The following C14orf39 variants were observed in gnomAD, a reference collection of about 807,000 sequenced individuals.
C14orf39 encodes chromosome 14 open reading frame 39, also known as protein SIX6OS1.
A neutral mutation model predicts 85.6 loss-of-function variants in C14orf39; 66 were observed. The observed-to-expected ratio is 0.77, with a 90% confidence interval of 0.63 to 0.95. The LOEUF is 0.95. C14orf39 is among the 40% of genes least tolerant of loss of function. The probability of loss-of-function intolerance (pLI) is 0.00; values close to 1 mark genes in which losing one functional copy is unlikely to be tolerated. For synonymous variants in C14orf39, 242 were observed against 214.0 expected (o/e 1.13, Z -1.14); for missense variants, 735 against 663.9 (o/e 1.11, Z -1.18).
chr14:60,436,629 G>T lies in C14orf39; in HGVS notation c.*216C>A, dbSNP rs75496159. On this transcript the variant is annotated 3_prime_UTR_variant, in exon 18 of 18. Transcript: ENST00000321731. ...TAAAAGTTCTACCTGACCACGGCTC[G>T]CAAAATCAAAACCAAAATAAATAAT... The T allele has an allele frequency of 1.2e-5, 4 of 336,688 alleles. No individual in the cohort carries two copies. 20.9% of individuals were successfully genotyped at this position (336,688 alleles called of 1,614,324 possible).
At chr14:60,475,707 C>G (rs1486632293) in intron 5 of C14orf39, among the ~76,000 whole-genome samples, 1 of 152,046 alleles carries the variant, frequency 6.6e-6, no homozygotes, top group African/African-American at 2.4e-5. Flanking sequence ...CTATCTGGTC[C>G]TTTACCAAAA....
intron 9 of C14orf39, 145 bp downstream of exon 9, chr14:60,468,300 C>T (rs1891894935): frequency 2.3e-6 from 1 of 433,984 alleles, no homozygotes; most frequent in Non-Finnish European, 4.1e-6. Flanking sequence ...TAATATTTTT[C>T]ATAAGAAATT....
intron 10 of C14orf39, among the ~76,000 whole-genome samples, chr14:60,466,643 T>C (rs1891802964): frequency 1.3e-5 from 2 of 151,868 alleles, no homozygotes; most frequent in African/African-American, 2.4e-5. Flanking sequence ...AAATATGTAA[T>C]TTTTCCTCCT....
intron 11 of C14orf39, among the ~76,000 whole-genome samples, chr14:60,464,647 T>G (rs1891696213): frequency 6.6e-6 from 1 of 152,164 alleles, no homozygotes; most frequent in Non-Finnish European, 1.5e-5. Flanking sequence ...GAACTCTATT[T>G]CGTACAACAT....
rs917828930 is a variant in C14orf39 at position 60,474,298 on chromosome 14, G to A, written c.324-2559C>T. 2.7e-4 allele frequency among the ~76,000 whole-genome samples: 41 copies of A among 152,128 alleles called. 1 individual carries two copies. The highest frequency in any genetic ancestry group is 5.1e-4 in the Non-Finnish European group (35 of 68,026). On this transcript the variant is annotated intron_variant, in intron 5 of 17. Coordinates refer to ENST00000321731, the MANE Select transcript of C14orf39 (RefSeq NM_174978.3). The stretch of plus-strand genomic sequence containing the variant: ...TTGTCTACCAGCTTAAGGAGAGTTT[G>A]GGCTGAGACAATGGTGTTTTCTAGA...
At chr14:60,461,804 T>C (rs1307418319) in intron 11 of C14orf39, among the ~76,000 whole-genome samples, 4 of 152,090 alleles carry the variant, frequency 2.6e-5, no homozygotes, top group African/African-American at 9.7e-5. Flanking sequence ...GTTTAAGAAA[T>C]TAATGTTTTT....
rs371141697 is a variant in C14orf39 at position 60,478,103 on chromosome 14, C to T, written c.323+197G>A. ...CTGAGGCAAAAGAATGGCGTGAACC[C>T]GGGAGGCAGAGCTTGCAGTGAGCCA... On this transcript the variant is annotated intron_variant, in intron 5 of 17. Transcript: ENST00000321731. Among the ~76,000 whole-genome samples the T allele has an allele frequency of 3.3e-4, 47 of 142,256 alleles. 2 individuals are homozygous for T. The South Asian group carries it at 8.7e-3, about 26-fold the overall frequency. 93.3% of individuals were successfully genotyped at this position (142,256 alleles called of 152,430 possible). A position where few individuals can be genotyped will look rare whatever the true frequency, so the allele number is the denominator to read the frequency against.
intron 2 of C14orf39, among the ~76,000 whole-genome samples, chr14:60,498,674 C>G (rs572797306): frequency 2.6e-5 from 4 of 152,280 alleles, no homozygotes; most frequent in Non-Finnish European, 4.4e-5. Flanking sequence ...TAACCTCAAT[C>G]CTTGGTGCAT....
At chr14:60,500,969 G>T (rs929838353) in intron 1 of C14orf39, among the ~76,000 whole-genome samples, 5 of 152,098 alleles carry the variant, frequency 3.3e-5, no homozygotes, top group African/African-American at 1.2e-4. Context: ...ATGAACTAGA[G>T]CAGAGGAAAG....
intron 2 of C14orf39, chr14:60,495,575 T>C (rs189600912): frequency 8.1e-4 from 186 of 229,758 alleles, no homozygotes; most frequent in African/African-American, 4.1e-3. Context: ...CATTGCCTGC[T>C]CCCATTTTGT....
In C14orf39 at chr14:60,478,310, C is replaced by T. The variant is rs1252843678; in HGVS notation, c.313G>A (p.Glu105Lys). The T allele has an allele frequency of 1.3e-6, 2 of 1,540,430 alleles. No individual in the cohort carries two copies. Among genetic ancestry groups the T allele is most frequent in the East Asian group, 4.7e-5 (2 of 42,570 alleles). The change falls in exon 5 of 18, where the codon GAA becomes AAA. Residue 105 changes from glutamate to lysine, a missense_variant. Glu to Lys is a moderately conservative substitution (Grantham distance 56). Coordinates refer to ENST00000321731, the MANE Select transcript of C14orf39 (RefSeq NM_174978.3). ...ATATAAGTACTATACTTGTCTTTTT[C>T]AACAGTTCCTTGATAAACAGTAAAT... is the stretch of plus-strand genomic sequence containing the variant. ...DQFTVYQGTV[E>K]KDKEMYHDYI... is the part of the protein sequence containing the mutation.
chr14:60,492,922 A>G (rs767849698), intron 2 of C14orf39, among the ~76,000 whole-genome samples: 2 of 152,184 alleles, frequency 1.3e-5, no homozygotes, highest in Admixed American at 6.5e-5. Context: ...TCACTAACGA[A>G]ATTTTTTTTA....
At chr14:60,477,709 A>G (rs527324178) in intron 5 of C14orf39, among the ~76,000 whole-genome samples, 2 of 152,310 alleles carry the variant, frequency 1.3e-5, no homozygotes, top group Non-Finnish European at 2.9e-5. Context: ...ATGTTTGCCT[A>G]AACAGTTCAC....
upstream of C14orf39, among the ~76,000 whole-genome samples, chr14:60,489,933 T>C (rs1892960825): frequency 6.6e-6 from 1 of 152,218 alleles, no homozygotes; most frequent in African/African-American, 2.4e-5. Flanking sequence ...TAAAATTTGT[T>C]CTAAGATGAC....
At chr14:60,505,734 T>C (rs935303634) in intron 1 of C14orf39, among the ~76,000 whole-genome samples, 43 of 152,302 alleles carry the variant, frequency 2.8e-4, no homozygotes, top group African/African-American at 8.7e-4. Context: ...AAACACAACA[T>C]TTTAAAAAAG....
At chr14:60,455,287 C>A in intron 15 of C14orf39, 142 bp from the exon 16 acceptor site, 3 of 547,170 alleles carry the variant, frequency 5.5e-6, no homozygotes, top group South Asian at 6.5e-5. Context: ...ACAATCCTAT[C>A]GAGAAAGGAT....
intron 1 of C14orf39, among the ~76,000 whole-genome samples, chr14:60,503,501 T>C (rs1185617591): frequency 2.0e-5 from 3 of 152,200 alleles, no homozygotes; most frequent in African/African-American, 4.8e-5. Flanking sequence ...ATATAATGGA[T>C]ACAAGTTTGA....
In C14orf39 at chr14:60,515,450, A is replaced by G. The variant is rs1370159526; in HGVS notation, c.-199T>C. The G allele has an allele frequency of 6.6e-6, 1 of 151,418 alleles. No individual in the cohort carries two copies. The highest frequency in any genetic ancestry group is 1.5e-5 in the Non-Finnish European group (1 of 67,740). The allele number at this position is 151,418 out of a possible 1,614,324, so 9.4% of individuals were successfully genotyped here. On this transcript the variant is annotated 5_prime_UTR_variant, in exon 1 of 6. Coordinates refer to the C14orf39 transcript ENST00000556799. This position sits in a 1 kb window ranked among gnomAD's most constrained non-coding sequence, Gnocchi z 6.2. ...GACGTGTAGGCCTCGAGCCACTCCT[A>G]CTGTTGGGCTGCGTGACTCAGCGGC...
intron 1 of C14orf39, chr14:60,511,187 C>G: frequency 6.2e-7 from 1 of 1,613,094 alleles, no homozygotes; most frequent in Non-Finnish European, 8.5e-7. Context: ...GGCCGCCAGT[C>G]TATCCAGCAA....
Sources: allele counts gnomAD v4.1 joint callset (sites outside exome capture counted in the v4.1 genomes callset), GRCh38; gene constraint gnomAD v4.1.1; non-coding constraint Gnocchi (gnomAD v3.1); transcripts MANE v1.5; gene names NCBI Gene and HGNC (gene_info 2026-07-23, HGNC 2026-07-21).